The following IARS1 variants were observed in gnomAD, a reference collection of about 807,000 sequenced individuals.
The protein encoded by IARS1 is isoleucine--tRNA ligase, cytoplasmic.
IARS1 carries 124 observed loss-of-function variants against 168.2 expected under a neutral mutation model. The ratio of observed to expected loss-of-function variants is 0.74; its 90% CI spans 0.64 to 0.86. The LOEUF is 0.86. Ranked by LOEUF, IARS1 falls within the 40% of genes least tolerant of loss-of-function variation. The pLI, the probability that IARS1 is intolerant of heterozygous loss-of-function variation, is 0.00. For missense variants in IARS1, 1,452 were observed against 1,515.8 expected (o/e 0.96, Z 0.70); for synonymous variants, 532 against 529.4 (o/e 1.00, Z -0.07).
chr9:92,216,933 T>A (rs1350258598), intron 33 of IARS1, among the ~76,000 whole-genome samples: 3 of 151,288 alleles, frequency 2.0e-5, no homozygotes, highest in Admixed American at 6.6e-5. Flanking sequence ...CTAGTAGACA[T>A]CTACAGAACT....
intron 26 of IARS1, among the ~76,000 whole-genome samples, chr9:92,245,332 T>G (rs560507122): frequency 2.6e-5 from 4 of 152,268 alleles, no homozygotes; most frequent in Non-Finnish European, 4.4e-5. Flanking sequence ...TCCAAAGACA[T>G]GACAAAGCTA....
chr9:92,273,568 T>C (rs1833391847), intron 10 of IARS1, among the ~76,000 whole-genome samples: 2 of 152,234 alleles, frequency 1.3e-5, no homozygotes, highest in Admixed American at 6.5e-5. Context: ...TTATCATATT[T>C]TCTTCTGTGT....
chr9:92,272,582 G>A (rs1467128898), intron 10 of IARS1, among the ~76,000 whole-genome samples: 1 of 152,206 alleles, frequency 6.6e-6, no homozygotes, highest in Non-Finnish European at 1.5e-5. Flanking sequence ...GGGTGCAGTG[G>A]CTCACGCCTG....
intron 13 of IARS1, 45 bp downstream of exon 13, chr9:92,269,840 C>A: frequency 1.5e-6 from 2 of 1,304,138 alleles, no homozygotes; most frequent in Non-Finnish European, 2.2e-6. Flanking sequence ...TACTTACTAA[C>A]CACATGACAA....
chr9:92,277,434 C>T (rs535524373), intron 9 of IARS1, among the ~76,000 whole-genome samples: 1 of 152,048 alleles, frequency 6.6e-6, no homozygotes, highest in East Asian at 1.9e-4. Flanking sequence ...ACAAAAAATC[C>T]CAGCCAGGTG....
At chr9:92,224,963 C>T (rs1415789534) in intron 31 of IARS1, among the ~76,000 whole-genome samples, 3 of 152,162 alleles carry the variant, frequency 2.0e-5, no homozygotes, top group Non-Finnish European at 4.4e-5. Flanking sequence ...AGAATAACCA[C>T]GGGCTCCACA....
chr9:92,272,122 T>C (rs1268359086), intron 10 of IARS1, among the ~76,000 whole-genome samples: 1 of 152,252 alleles, frequency 6.6e-6, no homozygotes, highest in African/African-American at 2.4e-5. Context: ...AACTCAGCTA[T>C]GAAGCAGCAA....
chr9:92,273,990 T>C (rs1833454424), intron 10 of IARS1, among the ~76,000 whole-genome samples: 1 of 152,274 alleles, frequency 6.6e-6, no homozygotes, highest in African/African-American at 2.4e-5. Context: ...ATTCTGTTTT[T>C]ATTCATACAC....
intron 2 of IARS1, 95 bp from the exon 3 acceptor site, chr9:92,288,377 G>A: frequency 4.9e-6 from 5 of 1,020,986 alleles, no homozygotes; most frequent in Non-Finnish European, 7.5e-6. Flanking sequence ...GAGTCTTCAA[G>A]GAGAAAAGCA....
chr9:92,243,734 C>T (rs1322341538), intron 27 of IARS1, among the ~76,000 whole-genome samples: 2 of 152,186 alleles, frequency 1.3e-5, no homozygotes, highest in African/African-American at 2.4e-5. Flanking sequence ...CAGTCAACTC[C>T]AAGTGACTTT....
chr9:92,216,679 C>A (rs1366160590), intron 33 of IARS1, among the ~76,000 whole-genome samples: 3 of 128,518 alleles, frequency 2.3e-5, no homozygotes, highest in East Asian at 2.2e-4. Flanking sequence ...ACAAAGAAGG[C>A]CATTACATAA....
intron 31 of IARS1, among the ~76,000 whole-genome samples, chr9:92,227,617 G>A (rs1825943766): frequency 6.6e-6 from 1 of 151,430 alleles, no homozygotes; most frequent in African/African-American, 2.4e-5. Flanking sequence ...TCACTTCTCA[G>A]ACGGGGCGGT....
chr9:92,235,784 C>T (rs943072421), intron 30 of IARS1, among the ~76,000 whole-genome samples: 1 of 151,944 alleles, frequency 6.6e-6, no homozygotes, highest in Non-Finnish European at 1.5e-5. Context: ...CTCAGCCTCC[C>T]AAAGTGCTGG....
intron 2 of IARS1, among the ~76,000 whole-genome samples, chr9:92,288,627 C>T (rs1317091682): frequency 6.6e-6 from 1 of 152,064 alleles, no homozygotes; most frequent in Admixed American, 6.5e-5. Context: ...AATGAAAACA[C>T]TGATTAAAGG....
At chr9:92,234,885 C>T (rs1034436593) in intron 30 of IARS1, among the ~76,000 whole-genome samples, 2 of 151,732 alleles carry the variant, frequency 1.3e-5, no homozygotes, top group Admixed American at 6.6e-5. Flanking sequence ...TTCTTGTTGC[C>T]CAAACTACAG....
chr9:92,228,441 G>A (rs572846490), intron 31 of IARS1, among the ~76,000 whole-genome samples: 2 of 151,832 alleles, frequency 1.3e-5, no homozygotes, highest in South Asian at 4.2e-4. Context: ...GTTGGGTGTG[G>A]TAGCTCACAC....
chr9:92,280,842 T>C lies in IARS1; in HGVS notation c.649A>G (p.Thr217Ala), dbSNP rs1834440555. ...FVTFPLEEDE[T>A]VSLVAWTTTP... ...GTTGTCCAAGCAACTAAAGATACAG[T>C]TTCATCTTCTTCCAAAGGGAAAGTT... Residue 217 changes from threonine (T) to alanine (A), a missense_variant, in exon 7 of 34, where the codon ACT (threonine) becomes GCT (alanine). Thr to Ala is a moderately conservative substitution (Grantham distance 58, BLOSUM62 0). Coordinates refer to ENST00000443024, the MANE Select transcript of IARS1 (RefSeq NM_002161.6). 6.2e-7 allele frequency: 1 copy of C among 1,610,538 alleles called. No individual in the cohort carries two copies. The highest frequency in any genetic ancestry group is 8.5e-7 in the Non-Finnish European group (1 of 1,176,984).
rs950439328 is a variant in IARS1 at position 92,263,013 on chromosome 9, T to C, written c.1743A>G (p.Gln581=). The C allele has an allele frequency of 6.8e-6, 11 of 1,614,036 alleles. No individual in the cohort carries two copies. The highest frequency in any genetic ancestry group is 3.3e-4 in the Middle Eastern group (2 of 6,082). Residue 581 remains glutamine (Q), a synonymous_variant, in exon 17 of 34, where the codon CAA becomes CAG. Coordinates refer to ENST00000443024, the MANE Select transcript of IARS1 (RefSeq NM_002161.6). ...TCACAATTACGTTCTTGAAAGGCGG[T>C]TGTCCAAAGAGGGCCGTGGCCAGCA... The part of the protein sequence containing the change: ...LLVLATALFG[Q]PPFKNVIVNG...
At chr9:92,269,410 T>C (rs1832718621) in intron 13 of IARS1, among the ~76,000 whole-genome samples, 1 of 152,196 alleles carries the variant, frequency 6.6e-6, no homozygotes. Context: ...AGGACACATA[T>C]CAGCTATGGA....
Sources: gnomAD v4.1 joint callset for allele counts (sites outside exome capture counted in the v4.1 genomes callset) on GRCh38, gnomAD v4.1.1 for gene constraint, MANE v1.5 for transcripts, NCBI Gene and HGNC (gene_info 2026-07-23, HGNC 2026-07-21) for gene names.